Variants in UGT2B10 observed in about 807,000 individuals in gnomAD.
UGT2B10 encodes the protein UDP glucuronosyltransferase family 2 member B10, also known as UDP-glucuronosyltransferase 2B10.
Under a neutral mutation model 43.7 loss-of-function variants are expected in UGT2B10, and 51 were observed. The observed-to-expected ratio is 1.17, with a 90% CI of 0.93 to 1.47. The LOEUF is 1.47. Ranked by LOEUF, UGT2B10 falls within the 40% of genes most tolerant of loss-of-function variation. UGT2B10 has a pLI of 0.00. For missense variants in UGT2B10, 696 were observed against 617.7 expected, an observed-to-expected ratio of 1.13 and a Z score of -1.34; for synonymous variants, 225 against 209.0, an observed-to-expected ratio of 1.08 and a Z score of -0.66.
intron 2 of UGT2B10, among the ~76,000 whole-genome samples, chr4:68,819,867 T>G: frequency 6.6e-6 from 1 of 152,060 alleles, no homozygotes; most frequent in East Asian, 1.9e-4. Flanking sequence ...TTAAGGCATA[T>G]GTAAAAAGTA....
intron 2 of UGT2B10, among the ~76,000 whole-genome samples, 197 bp from the exon 3 acceptor site, chr4:68,822,074 A>G (rs1287483480): frequency 2.0e-5 from 3 of 152,150 alleles, no homozygotes; most frequent in Non-Finnish European, 4.4e-5. Context: ...TTACACAAAT[A>G]TCCTTAACAG....
intron 5 of UGT2B10, among the ~76,000 whole-genome samples, chr4:68,827,929 A>G (rs1413218588): frequency 1.3e-5 from 2 of 152,008 alleles, no homozygotes; most frequent in Non-Finnish European, 2.9e-5. Flanking sequence ...ATTTTCTTGC[A>G]GAAAAATTAA....
intron 4 of UGT2B10, among the ~76,000 whole-genome samples, chr4:68,826,758 T>C (rs1737801660): frequency 6.6e-6 from 1 of 152,166 alleles, no homozygotes; most frequent in Non-Finnish European, 1.5e-5. Context: ...TTCAATATCT[T>C]CCTGGGCTGT....
At chr4:68,829,251 C>T (rs1314587953) in intron 5 of UGT2B10, among the ~76,000 whole-genome samples, 1 of 152,088 alleles carries the variant, frequency 6.6e-6, no homozygotes, top group East Asian at 1.9e-4. Flanking sequence ...TTATATAATT[C>T]AATTACATAA....
At chr4:68,827,934 A>C (rs961364395) in intron 5 of UGT2B10, among the ~76,000 whole-genome samples, 1 of 152,016 alleles carries the variant, frequency 6.6e-6, no homozygotes, top group African/African-American at 2.4e-5. Context: ...CTTGCAGAAA[A>C]ATTAATTTTT....
At chr4:68,821,008 T>C (rs910294736) in intron 2 of UGT2B10, among the ~76,000 whole-genome samples, 1 of 152,100 alleles carries the variant, frequency 6.6e-6, no homozygotes, top group Admixed American at 6.6e-5. Context: ...CGAGTTACAT[T>C]AAATGTGGCT....
chr4:68,820,606 A>C (rs1235171392), intron 2 of UGT2B10, among the ~76,000 whole-genome samples: 1 of 152,068 alleles, frequency 6.6e-6, no homozygotes, highest in Non-Finnish European at 1.5e-5. Flanking sequence ...CAGCCATAAT[A>C]CACATACAGT....
intron 2 of UGT2B10, among the ~76,000 whole-genome samples, chr4:68,821,557 G>T (rs927896841): frequency 6.6e-6 from 1 of 152,086 alleles, no homozygotes; most frequent in Non-Finnish European, 1.5e-5. Flanking sequence ...ACTATAAACT[G>T]TACAATTCTG....
chr4:68,822,861 T>G (rs2109693111), intron 3 of UGT2B10, among the ~76,000 whole-genome samples: 1 of 152,240 alleles, frequency 6.6e-6, no homozygotes, highest in African/African-American at 2.4e-5. Context: ...CAAGTAAGAT[T>G]TATGATAATT....
rs549899144 is a variant in UGT2B10 at position 68,828,073 on chromosome 4, A to G, written c.1307+525A>G. On this transcript the variant is annotated intron_variant, in intron 5 of 5. Transcript: ENST00000265403. ...AGAGTCATGAAGTCATCACCAGTGT[A>G]TAAGTTTGGAACATTTTTATCAACG... is the stretch of plus-strand genomic sequence containing the variant. 7.9e-5 allele frequency among the ~76,000 whole-genome samples: 12 copies of G among 152,132 alleles called. No individual in the cohort carries two copies. In the South Asian group the frequency reaches 1.0e-3, roughly 13 times the overall value.
At chr4:68,816,851 G>A in intron 1 of UGT2B10, 114 bp downstream of exon 1, 3 of 920,612 alleles carry the variant, frequency 3.3e-6, no homozygotes, top group South Asian at 1.9e-5. Context: ...ATGAATTTAT[G>A]AAATGAAAAT....
At chr4:68,819,259 T>C (rs1737376925) in intron 2 of UGT2B10, among the ~76,000 whole-genome samples, 2 of 152,098 alleles carry the variant, frequency 1.3e-5, no homozygotes, top group Middle Eastern at 3.4e-3. Flanking sequence ...CATGTGCATG[T>C]CACTTGAGAT....
intron 5 of UGT2B10, among the ~76,000 whole-genome samples, chr4:68,829,560 G>A (rs1455840545): frequency 1.3e-5 from 2 of 151,880 alleles, no homozygotes; most frequent in Non-Finnish European, 1.5e-5. Flanking sequence ...TAGAAAATAA[G>A]CACAGTAAAC....
In UGT2B10 at chr4:68,816,352, A is replaced by G; in HGVS notation, c.333A>G (p.Glu111=). Residue 111 remains glutamate, a synonymous_variant, in exon 1 of 6, where the codon GAA becomes GAG. Transcript: ENST00000265403. Reference sequence around the variant, plus strand: ...CATTTTGGTTACCTTTTTCACAAGAACAAGAAATCCTGTGGGCAATTAATG... The same window carrying G: ...CATTTTGGTTACCTTTTTCACAAGAGCAAGAAATCCTGTGGGCAATTAATG... The part of the protein sequence containing the change: ...KDTFWLPFSQ[E]QEILWAINDI... 1 of 1,613,172 alleles carries G rather than the reference A, an allele frequency of 6.2e-7. No homozygotes were observed. The highest frequency in any genetic ancestry group is 8.5e-7 in the Non-Finnish European group (1 of 1,179,434).
chr4:68,818,153 C>G lies in UGT2B10; in HGVS notation c.843C>G (p.Cys281Trp). ...TTGATTTTGTTGGAGGACTCCACTG[C>G]AAACCTGCCAAACCCCTACCTAAGG... The part of the protein sequence containing the change: ...PNVDFVGGLH[C>W]KPAKPLPKEM... The change falls in exon 2 of 6, where the codon TGC becomes TGG. Residue 281 changes from cysteine to tryptophan, a missense_variant. Coordinates refer to ENST00000265403, the MANE Select transcript of UGT2B10 (RefSeq NM_001075.6). 6.2e-7 allele frequency: 1 copy of G among 1,609,930 alleles called. No homozygotes were observed. The highest frequency in any genetic ancestry group is 8.5e-7 in the Non-Finnish European group (1 of 1,177,902).
Position 68,826,412 on chromosome 4 carries a change from T to C in UGT2B10, c.1002T>C (p.Val334=). Residue 334 remains valine (V), a splice_region_variant and synonymous_variant, in exon 4 of 6, where the codon GTT becomes GTC. Coordinates refer to ENST00000265403, the MANE Select transcript of UGT2B10 (RefSeq NM_001075.6). Reference sequence around the variant, plus strand: ...AGATATTCTCTTTACTGTAACAGGTTCTTTGGAGATTTGATGGGAATAAAC... The same window carrying C: ...AGATATTCTCTTTACTGTAACAGGTCCTTTGGAGATTTGATGGGAATAAAC... The part of the protein sequence containing the change: ...ATALAKIPQK[V]LWRFDGNKPD... 6.2e-7 allele frequency: 1 copy of C among 1,610,390 alleles called. No individual in the cohort carries two copies. Among genetic ancestry groups the C allele is most frequent in the Non-Finnish European group, 8.5e-7 (1 of 1,178,878 alleles).
chr4:68,830,769 A>C lies in UGT2B10; in HGVS notation c.1477A>C (p.Ile493Leu), dbSNP rs1282456868. The C allele has an allele frequency of 3.7e-6, 6 of 1,613,248 alleles. No homozygotes were observed. Among genetic ancestry groups the C allele is most frequent in the Non-Finnish European group, 5.1e-6 (6 of 1,179,560 alleles). ...TWFQYHSLDVIGFLLACVATV... is the reference protein window; with the variant it reads ...TWFQYHSLDVLGFLLACVATV... Reference sequence around the variant, plus strand: ...GTTCCAGTACCACTCTTTGGATGTGATTGGGTTCCTGCTGGCTTGTGTGGC... The same window carrying C: ...GTTCCAGTACCACTCTTTGGATGTGCTTGGGTTCCTGCTGGCTTGTGTGGC... Residue 493 changes from isoleucine to leucine, a missense_variant, in exon 6 of 6, where the codon ATT becomes CTT. Coordinates refer to ENST00000265403, the MANE Select transcript of UGT2B10 (RefSeq NM_001075.6).
chr4:68,828,025 C>A (rs1390187083), intron 5 of UGT2B10, among the ~76,000 whole-genome samples: 1 of 151,770 alleles, frequency 6.6e-6, no homozygotes, highest in African/African-American at 2.4e-5. Flanking sequence ...GGCAAAAATT[C>A]CAAATATTTT....
intron 2 of UGT2B10, among the ~76,000 whole-genome samples, chr4:68,820,535 G>C (rs947130817): frequency 2.6e-5 from 4 of 151,902 alleles, no homozygotes; most frequent in African/African-American, 9.7e-5. Context: ...ATAATGATTA[G>C]AAACATATGC....
Sources: allele counts gnomAD v4.1 joint callset (sites outside exome capture counted in the v4.1 genomes callset), GRCh38; gene constraint gnomAD v4.1.1; transcripts MANE v1.5; gene names NCBI Gene and HGNC (gene_info 2026-07-23, HGNC 2026-07-21).